Variants in TOX2 observed in about 807,000 individuals in gnomAD.
TOX2 encodes the protein granulosa cell HMG box 1.
Under a neutral mutation model 47.4 loss-of-function variants are expected in TOX2, and 15 were observed. The ratio of observed to expected loss-of-function variants is 0.32; its 90% confidence interval spans 0.21 to 0.49. TOX2 has a LOEUF of 0.49. Among genes scored for constraint, TOX2 ranks in the 20% least tolerant of loss-of-function variants. The pLI, the probability that TOX2 is intolerant of heterozygous loss-of-function variation, is 0.99. For missense variants in TOX2, 622 were observed against 673.1 expected (o/e 0.92, Z 0.84); for synonymous variants, 290 against 296.6 (o/e 0.98, Z 0.23).
chr20:44,030,102 A>G (rs894370829), intron 3 of TOX2, among the ~76,000 whole-genome samples: 7 of 152,180 alleles, frequency 4.6e-5, no homozygotes, highest in African/African-American at 7.2e-5. Flanking sequence ...AGACCATGCA[A>G]TCGGCCCCCA....
rs1388097590 is a variant in TOX2 at position 44,048,417 on chromosome 20, T to TATATATATATATATATATATATATATAA, written c.412-2888_412-2887insTATATATATATATATATATATATATAAA. Among the ~76,000 whole-genome samples the TATATATATATATATATATATATATATAA allele has an allele frequency of 2.1e-5, 3 of 139,606 alleles. 1 individual carries two copies. The highest frequency in any genetic ancestry group is 3.1e-5 in the Non-Finnish European group (2 of 64,540). The allele number at this position is 139,606 out of a possible 152,430, so 91.6% of individuals were successfully genotyped here. On this transcript the variant is annotated intron_variant, in intron 3 of 8. Coordinates refer to ENST00000341197, the MANE Select transcript of TOX2 (RefSeq NM_001098797.2). The stretch of plus-strand genomic sequence containing the variant: ...ATATATATATATATATATATATGTA[T>TATATATATATATATATATATATATATAA]AATTTACCAAAACTGACTCGAGAGA...
chr20:43,977,067 C>T (rs1220542125), intron 2 of TOX2, among the ~76,000 whole-genome samples: 1 of 152,174 alleles, frequency 6.6e-6, no homozygotes, highest in Non-Finnish European at 1.5e-5. Context: ...AGTGGGAAGC[C>T]ATTTCTGGAA....
At chr20:43,955,665 C>A (rs1367810432) in intron 1 of TOX2, among the ~76,000 whole-genome samples, 1 of 152,200 alleles carries the variant, frequency 6.6e-6, no homozygotes, top group Non-Finnish European at 1.5e-5. Context: ...CTGAGACTCT[C>A]AAGGCCGTAT....
intron 1 of TOX2, among the ~76,000 whole-genome samples, chr20:43,928,655 C>T (rs913545114): frequency 2.6e-5 from 4 of 152,218 alleles, no homozygotes; most frequent in African/African-American, 9.7e-5. Context: ...TGTCAACACG[C>T]CCTGTCATTC....
intron 3 of TOX2, among the ~76,000 whole-genome samples, chr20:44,014,151 AAAAAGG>A (rs1338718012): frequency 6.7e-6 from 1 of 148,484 alleles, no homozygotes; most frequent in Admixed American, 6.7e-5. Flanking sequence ...AAAAAAAAAA[AAAAAGG>A]AAAAGAGAGA....
At chr20:43,958,206 C>T (rs1015809722) in intron 1 of TOX2, among the ~76,000 whole-genome samples, 1 of 152,148 alleles carries the variant, frequency 6.6e-6, no homozygotes, top group African/African-American at 2.4e-5. Context: ...TTCTTGTTTT[C>T]TGTTACTGCC....
chr20:43,952,685 G>A (rs544581245), intron 1 of TOX2, among the ~76,000 whole-genome samples: 3 of 152,306 alleles, frequency 2.0e-5, no homozygotes, highest in South Asian at 2.1e-4. Flanking sequence ...AGTGTCCTAT[G>A]TGCCAGGAAG....
chr20:43,933,840 GC>G lies in TOX2; in HGVS notation c.99+18852del, dbSNP rs1484788172. 1.2e-4 allele frequency among the ~76,000 whole-genome samples: 19 copies of G among 152,276 alleles called. No individual in the cohort carries two copies. The East Asian group carries it at 3.7e-3, about 29-fold the overall frequency. ...TCAGCCCCCGGGGTGTGGGTGCACA[GC>G]CTGAAAGAGGGGTTCTGGGTGGAAC... is the stretch of plus-strand genomic sequence containing the variant. On this transcript the variant is annotated intron_variant, in intron 1 of 8. Transcript: ENST00000341197.
At chr20:43,939,275 C>T (rs559473812) in intron 1 of TOX2, among the ~76,000 whole-genome samples, 4 of 152,322 alleles carry the variant, frequency 2.6e-5, no homozygotes, top group African/African-American at 9.6e-5. Context: ...GTTTCCTCCT[C>T]TGTGAAATGG....
chr20:43,966,469 G>C (rs889287125), intron 1 of TOX2, among the ~76,000 whole-genome samples: 1 of 152,124 alleles, frequency 6.6e-6, no homozygotes, highest in Non-Finnish European at 1.5e-5. Flanking sequence ...GTAAGAGTGG[G>C]GGCACTTGCT....
intron 5 of TOX2, 64 bp downstream of exon 5, chr20:44,054,590 C>CTT: frequency 6.6e-7 from 1 of 1,513,818 alleles, no homozygotes; most frequent in South Asian, 1.2e-5. Flanking sequence ...CAAGGACACA[C>CTT]TTTGAAGGTC....
intron 2 of TOX2, among the ~76,000 whole-genome samples, chr20:43,996,221 G>T (rs1381317104): frequency 1.3e-5 from 2 of 152,244 alleles, no homozygotes; most frequent in East Asian, 3.9e-4. Context: ...GGTGTGAGAT[G>T]GTATCTCATT....
intron 1 of TOX2, among the ~76,000 whole-genome samples, chr20:43,951,711 T>TTTTTTTTA: frequency 8.7e-6 from 1 of 114,978 alleles, no homozygotes; most frequent in African/African-American, 3.3e-5. Flanking sequence ...TATTATGTTT[T>TTTTTTTTA]TTTTTTTTTT....
intron 2 of TOX2, among the ~76,000 whole-genome samples, chr20:43,998,750 T>TCTATCTATCTATCTAC (rs1569079445): frequency 3.3e-5 from 5 of 152,100 alleles, no homozygotes; most frequent in African/African-American, 1.2e-4. Flanking sequence ...TATCTATCTA[T>TCTATCTATCTATCTAC]CTATCTATCT....
intron 1 of TOX2, among the ~76,000 whole-genome samples, chr20:43,957,131 C>G (rs6093902): frequency 4.2e-4 from 64 of 152,138 alleles, no homozygotes; most frequent in African/African-American, 1.5e-3. Context: ...TTATCCTGCT[C>G]CACAGATCTG....
Position 43,916,086 on chromosome 20 carries a change from T to G in TOX2, c.99+1096T>G. ...GACTGTCCGCGCGTCCGCCAGTCGG[T>G]GCGTCGGTCCCGGGCCGGCTGGAGC... On this transcript the variant is annotated intron_variant, in intron 1 of 8. Transcript: ENST00000341197. This position sits in a 1 kb window ranked among gnomAD's most constrained non-coding sequence, Gnocchi z 5.0. 1.0e-6 allele frequency: 1 copy of G among 979,008 alleles called. No individual in the cohort carries two copies. The highest frequency in any genetic ancestry group is 1.2e-6 in the Non-Finnish European group (1 of 823,994). 60.6% of individuals were successfully genotyped at this position (979,008 alleles called of 1,614,324 possible). A position where few individuals can be genotyped will look rare whatever the true frequency, so the allele number is the denominator to read the frequency against.
At chr20:44,044,344 G>A (rs2071380997) in intron 3 of TOX2, among the ~76,000 whole-genome samples, 1 of 151,708 alleles carries the variant, frequency 6.6e-6, no homozygotes, top group Non-Finnish European at 1.5e-5. Flanking sequence ...GTTAATGGGT[G>A]CAGCACACCA....
rs770814214 is a variant in TOX2 at position 44,006,670 on chromosome 20, C to G, written c.289C>G (p.His97Asp). The G allele has an allele frequency of 1.7e-5, 27 of 1,614,024 alleles. No individual in the cohort carries two copies. The highest frequency in any genetic ancestry group is 2.2e-5 in the Non-Finnish European group (26 of 1,180,050). Residue 97 changes from histidine (H) to aspartate (D), a missense_variant, in exon 3 of 9, where the codon CAC becomes GAC. By Grantham distance (81) the His-to-Asp change is moderately conservative (BLOSUM62 -1). Coordinates refer to ENST00000341197, the MANE Select transcript of TOX2 (RefSeq NM_001098797.2). The part of the protein sequence containing the change: ...DHEASYHSLC[H>D]GLTPNGLLPA... ...CGAAGCCAGCTACCACTCGCTGTGC[C>G]ACGGCCTCACCCCCAACGGTCTGCT... is the stretch of plus-strand genomic sequence containing the variant.
intron 3 of TOX2, among the ~76,000 whole-genome samples, chr20:44,012,844 T>A (rs189265901): frequency 1.3e-3 from 202 of 152,328 alleles, no homozygotes; most frequent in Non-Finnish European, 3.2e-4. Context: ...CAGTACTTAG[T>A]GCTGCGTTTC....
Sources: allele counts gnomAD v4.1 joint callset (sites outside exome capture counted in the v4.1 genomes callset), GRCh38; gene constraint gnomAD v4.1.1; non-coding constraint Gnocchi (gnomAD v3.1); transcripts MANE v1.5; gene names NCBI Gene and HGNC (gene_info 2026-07-23, HGNC 2026-07-21).